MIA2: variants seen among roughly 807,000 people sequenced by gnomAD.
MIA2 encodes melanoma inhibitory activity protein 2.
A neutral mutation model predicts 167.8 loss-of-function variants in MIA2; 127 were observed. The observed-to-expected ratio is 0.76, with a 90% CI of 0.66 to 0.88. The LOEUF (loss-of-function observed/expected upper bound fraction) is 0.88. Ranked by LOEUF, MIA2 falls within the 40% of genes least tolerant of loss-of-function variation. MIA2 has a pLI of 0.00. For missense variants in MIA2, 1,690 were observed against 1,624.7 expected (o/e 1.04, Z -0.69); for synonymous variants, 552 against 541.9 (o/e 1.02, Z -0.26).
chr14:39,321,663 A>G (rs530380975), intron 24 of MIA2, among the ~76,000 whole-genome samples: 55 of 152,246 alleles, frequency 3.6e-4, no homozygotes, highest in African/African-American at 1.2e-3. Flanking sequence ...TAAAAACTAT[A>G]TATTACATGA....
chr14:39,364,707 A>C (rs1423159804), intron 23 of MIA2, among the ~76,000 whole-genome samples: 1 of 136,614 alleles, frequency 7.3e-6, no homozygotes, highest in Non-Finnish European at 1.7e-5. Flanking sequence ...TTCTTGGCTG[A>C]TAGTTTGTTT....
chr14:39,279,598 T>C, intron 9 of MIA2, 61 bp downstream of exon 9: 2 of 1,049,720 alleles, frequency 1.9e-6, no homozygotes, highest in Non-Finnish European at 2.8e-6. Flanking sequence ...CTTCTCACTG[T>C]AGGTACTTCT....
intron 6 of MIA2, chr14:39,266,685 G>A: frequency 1.0e-6 from 1 of 985,612 alleles, no homozygotes; most frequent in Non-Finnish European, 1.2e-6. Flanking sequence ...TTTTCTGACT[G>A]GAATGACGGC....
At chr14:39,332,549 G>T (rs1231701326) in intron 25 of MIA2, among the ~76,000 whole-genome samples, 1 of 152,088 alleles carries the variant, frequency 6.6e-6, no homozygotes, top group Non-Finnish European at 1.5e-5. Context: ...TAGCCTTTTT[G>T]CCTGGTTTTT....
In MIA2 at chr14:39,330,652, T is replaced by TTCA. The variant is rs576455737; in HGVS notation, c.3655+3630_3655+3631insTCA. Among the ~76,000 whole-genome samples the TTCA allele has an allele frequency of 6.0e-3, 910 of 152,328 alleles. 2 individuals are homozygous for TTCA. Among genetic ancestry groups the TTCA allele is most frequent in the Admixed American group, 0.011 (171 of 15,300 alleles). On this transcript the variant is annotated intron_variant, in intron 25 of 28. Transcript: ENST00000640607. ...TGCTTTAGCTGTGTCCCAGAGATTC[T>TTCA]GGTATGTTGTGTCTTTGTTCTCATT...
chr14:39,259,525 C>T (rs1231739159), intron 6 of MIA2, among the ~76,000 whole-genome samples: 1 of 151,688 alleles, frequency 6.6e-6, no homozygotes. Flanking sequence ...CTCTCTCTCT[C>T]TTTCTCTTTT....
At chr14:39,362,619 T>C (rs866704166) in intron 23 of MIA2, among the ~76,000 whole-genome samples, 12 of 152,146 alleles carry the variant, frequency 7.9e-5, no homozygotes, top group African/African-American at 2.9e-4. Context: ...TTGCTTATCT[T>C]TACAAATACC....
chr14:39,303,553 TA>T, intron 16 of MIA2, 29 bp downstream of exon 16: 1 of 1,556,848 alleles, frequency 6.4e-7, no homozygotes, highest in Non-Finnish European at 8.8e-7. Flanking sequence ...TTAAAAAGAA[TA>T]AGGAGGAAGA....
At chr14:39,251,049 G>A (rs1426674992) in intron 4 of MIA2, among the ~76,000 whole-genome samples, 2 of 152,072 alleles carry the variant, frequency 1.3e-5, no homozygotes, top group Non-Finnish European at 2.9e-5. Context: ...TAGAGAAAGA[G>A]TTAAACAGCC....
At chr14:39,244,087 C>A (rs1407131612) in intron 3 of MIA2, among the ~76,000 whole-genome samples, 2 of 152,228 alleles carry the variant, frequency 1.3e-5, no homozygotes, top group African/African-American at 2.4e-5. Flanking sequence ...GGCTATAGGG[C>A]AGGGCCTTCC....
At chr14:39,306,043 C>T (rs1036794531) in intron 17 of MIA2, among the ~76,000 whole-genome samples, 2 of 151,592 alleles carry the variant, frequency 1.3e-5, no homozygotes, top group Admixed American at 1.3e-4. Context: ...GAGATAATAC[C>T]CAACGTTAAT....
In MIA2 at chr14:39,291,132, G is replaced by A. The variant is rs933926433; in HGVS notation, c.2208+36G>A. 2.6e-6 allele frequency: 4 copies of A among 1,541,400 alleles called. No homozygotes were observed. In the East Asian group the frequency reaches 6.9e-5, roughly 27 times the overall value. ...AAATGGTATAATTTTAAAAGCTGGG[G>A]AAAAAAATACTAAGTAACAAAAACT... is the stretch of plus-strand genomic sequence containing the variant. On this transcript the variant is annotated intron_variant, in intron 10 of 28. Coordinates refer to ENST00000640607, the MANE Select transcript of MIA2 (RefSeq NM_001329214.4).
chr14:39,273,612 C>G (rs1296346871), intron 6 of MIA2, among the ~76,000 whole-genome samples: 1 of 150,122 alleles, frequency 6.7e-6, no homozygotes, highest in Non-Finnish European at 1.5e-5. Flanking sequence ...TTTTTTTTCT[C>G]TTCATTTTCT....
chr14:39,328,215 A>G (rs1484109525), intron 25 of MIA2, among the ~76,000 whole-genome samples: 1 of 152,134 alleles, frequency 6.6e-6, no homozygotes, highest in African/African-American at 2.4e-5. Flanking sequence ...TTCTCTAATG[A>G]CCAGTGATGG....
At chr14:39,338,552 C>A (rs1425487303) in intron 25 of MIA2, among the ~76,000 whole-genome samples, 1 of 151,820 alleles carries the variant, frequency 6.6e-6, no homozygotes. Flanking sequence ...AAAAAATGTT[C>A]TTGAATAATG....
intron 14 of MIA2, among the ~76,000 whole-genome samples, chr14:39,301,405 C>T (rs2062472671): frequency 6.6e-6 from 1 of 152,086 alleles, no homozygotes; most frequent in South Asian, 2.1e-4. Flanking sequence ...ACTTCCTCTA[C>T]TAAAGGCTTT....
In MIA2 at chr14:39,326,990, AC is replaced by A; in HGVS notation, c.3625del (p.Gln1209ArgfsTer5). On this transcript the variant is annotated frameshift_variant, in exon 25 of 29. Transcript: ENST00000640607. LOFTEE classifies it high-confidence loss of function. The part of the protein sequence containing the change: ...SDTGSLSPPW[D>X]QDRRMMFPPP... ...ACTGGGTCTCTGTCACCTCCATGGGACCAGGACCGTAGGATGATGTTTCCTC... is the reference window on the plus strand; with the variant it reads ...ACTGGGTCTCTGTCACCTCCATGGGACAGGACCGTAGGATGATGTTTCCTC... 6.4e-7 allele frequency: 1 copy of A among 1,556,468 alleles called. No homozygotes were observed. The highest frequency in any genetic ancestry group is 8.6e-7 in the Non-Finnish European group (1 of 1,157,202).
chr14:39,366,952 T>G (rs1443238035), intron 23 of MIA2, among the ~76,000 whole-genome samples: 1 of 152,208 alleles, frequency 6.6e-6, no homozygotes, highest in Non-Finnish European at 1.5e-5. Context: ...GCATGGCCGC[T>G]GTGCTGCTGA....
Position 39,319,252 on chromosome 14 carries a change from C to G in MIA2, c.3328C>G (p.Pro1110Ala), listed in dbSNP as rs982933427. The G allele has an allele frequency of 6.4e-7, 1 of 1,566,176 alleles. No individual in the cohort carries two copies. The highest frequency in any genetic ancestry group is 8.7e-7 in the Non-Finnish European group (1 of 1,154,508). The change falls in exon 23 of 29, where the codon CCT (proline) becomes GCT (alanine). Residue 1110 changes from proline (P) to alanine (A), a missense_variant. Coordinates refer to ENST00000640607, the MANE Select transcript of MIA2 (RefSeq NM_001329214.4). ...TAAATTTGAACTTTTAGAAAAAGAT[C>G]CTTATGCACTCGATGTTCCAAATAC... ...ELKFELLEKDPYALDVPNTAF... is the reference protein window; with the variant it reads ...ELKFELLEKDAYALDVPNTAF...
Sources: gnomAD v4.1 joint callset for allele counts (sites outside exome capture counted in the v4.1 genomes callset) on GRCh38, gnomAD v4.1.1 for gene constraint, MANE v1.5 for transcripts, NCBI Gene and HGNC (gene_info 2026-07-23, HGNC 2026-07-21) for gene names.